The following MBNL1 variants were observed in gnomAD, a reference collection of about 807,000 sequenced individuals.
MBNL1 encodes muscleblind like splicing regulator 1.
MBNL1 carries 8 observed loss-of-function variants against 42.2 expected under a neutral mutation model. That is an observed-to-expected ratio of 0.19 (90% CI 0.11 to 0.34). MBNL1 has a LOEUF of 0.34. Among genes scored for constraint, MBNL1 ranks in the 10% least tolerant of loss-of-function variants. The pLI is 1.00. For synonymous variants in MBNL1, 169 were observed against 173.9 expected, an observed-to-expected ratio of 0.97 and a Z score of 0.22; for missense variants, 309 against 495.3, an observed-to-expected ratio of 0.62 and a Z score of 3.57.
intron 2 of MBNL1, among the ~76,000 whole-genome samples, chr3:152,342,575 C>CACAA (rs199903743): frequency 2.6e-5 from 4 of 151,678 alleles, no homozygotes; most frequent in African/African-American, 9.7e-5. Flanking sequence ...CACACACACA[C>CACAA]ACACACACAC....
At chr3:152,351,089 T>C (rs113337991) in intron 2 of MBNL1, among the ~76,000 whole-genome samples, 536 of 152,026 alleles carry the variant, frequency 3.5e-3, no homozygotes, top group Middle Eastern at 6.8e-3. Context: ...CTTTTTTTTT[T>C]CCTGTTTTTG....
chr3:152,410,033 G>T (rs2098528165), intron 2 of MBNL1, among the ~76,000 whole-genome samples: 1 of 151,776 alleles, frequency 6.6e-6, no homozygotes, highest in Non-Finnish European at 1.5e-5. Context: ...GTTTCATTTA[G>T]TTTTATTCTT....
At chr3:152,296,612 T>C (rs1345760660) in intron 1 of MBNL1, among the ~76,000 whole-genome samples, 2 of 151,902 alleles carry the variant, frequency 1.3e-5, no homozygotes, top group African/African-American at 2.4e-5. Context: ...CAGGGCTAGA[T>C]TGTGAGGCAG....
chr3:152,322,065 G>GT (rs35577420), intron 2 of MBNL1, among the ~76,000 whole-genome samples: 138,490 of 151,826 alleles, frequency 0.91, 63,500 homozygotes, highest in East Asian at 1. Context: ...TGAAAACAGA[G>GT]TTTTTTTAAC....
chr3:152,367,135 G>A (rs544276316), intron 2 of MBNL1, among the ~76,000 whole-genome samples: 5 of 152,132 alleles, frequency 3.3e-5, no homozygotes, highest in East Asian at 3.9e-4. Flanking sequence ...CCATCAACCC[G>A]TCATCTACAT....
At chr3:152,289,255 A>G (rs2054406188) in intron 1 of MBNL1, among the ~76,000 whole-genome samples, 1 of 152,128 alleles carries the variant, frequency 6.6e-6, no homozygotes, top group Admixed American at 6.5e-5. Flanking sequence ...AACAAAATGG[A>G]CATATAGTGG....
chr3:152,371,474 G>A (rs889852703), intron 2 of MBNL1, among the ~76,000 whole-genome samples: 3 of 152,172 alleles, frequency 2.0e-5, no homozygotes, highest in African/African-American at 7.2e-5. Context: ...GCACATGCCT[G>A]TAATCCCAAC....
At chr3:152,419,782 A>G (rs2098771300) in intron 3 of MBNL1, among the ~76,000 whole-genome samples, 1 of 152,096 alleles carries the variant, frequency 6.6e-6, no homozygotes, top group Non-Finnish European at 1.5e-5. Context: ...TCCCCTGGAA[A>G]GAGGGCTGAA....
At chr3:152,297,679 CAG>C (rs1368532120) in intron 1 of MBNL1, among the ~76,000 whole-genome samples, 5 of 151,104 alleles carry the variant, frequency 3.3e-5, no homozygotes, top group African/African-American at 7.3e-5. Context: ...TTTTTTTAGA[CAG>C]AGTCTTGCTC....
At chr3:152,307,256 T>TG (rs1209560409) in intron 2 of MBNL1, among the ~76,000 whole-genome samples, 2 of 152,240 alleles carry the variant, frequency 1.3e-5, no homozygotes, top group Non-Finnish European at 2.9e-5. Context: ...TCCAAAGTGC[T>TG]GGGATTACAG....
intron 2 of MBNL1, among the ~76,000 whole-genome samples, chr3:152,410,852 T>C (rs2098548918): frequency 6.6e-6 from 1 of 152,270 alleles, no homozygotes; most frequent in Non-Finnish European, 1.5e-5. Context: ...ATTACATTAT[T>C]GATGACTGAT....
At chr3:152,411,769 G>A (rs985826582) in intron 2 of MBNL1, among the ~76,000 whole-genome samples, 2 of 151,980 alleles carry the variant, frequency 1.3e-5, no homozygotes, top group Non-Finnish European at 2.9e-5. Flanking sequence ...ATCTCCTTTC[G>A]TACCTGGTGA....
intron 2 of MBNL1, among the ~76,000 whole-genome samples, chr3:152,311,286 C>T (rs1445530199): frequency 6.6e-6 from 1 of 152,068 alleles, no homozygotes; most frequent in African/African-American, 2.4e-5. Flanking sequence ...GGATTACAGG[C>T]GTGAGCCACT....
intron 5 of MBNL1, among the ~76,000 whole-genome samples, chr3:152,447,289 C>T (rs1017012698): frequency 1.2e-4 from 18 of 152,156 alleles, no homozygotes; most frequent in African/African-American, 3.9e-4. Flanking sequence ...GCTCGCAGTG[C>T]GGCTTTTCTT....
chr3:152,361,796 C>T (rs1399634748), intron 2 of MBNL1, among the ~76,000 whole-genome samples: 1 of 152,146 alleles, frequency 6.6e-6, no homozygotes, highest in East Asian at 1.9e-4. Flanking sequence ...TAGGAGCTAA[C>T]TCAAATATTA....
At chr3:152,285,683 C>T (rs1049749511) in intron 1 of MBNL1, among the ~76,000 whole-genome samples, 10 of 140,024 alleles carry the variant, frequency 7.1e-5, no homozygotes, top group Non-Finnish European at 1.2e-4. Flanking sequence ...GGCTGGAGTG[C>T]AGTGGCATGA....
chr3:152,455,441 C>T, intron 6 of MBNL1, 101 bp from the exon 7 acceptor site: 2 of 932,488 alleles, frequency 2.1e-6, no homozygotes, highest in African/African-American at 3.3e-5. Context: ...AACAATTTTT[C>T]TTCTTTGTTC....
intron 8 of MBNL1, chr3:152,458,180 C>T (rs944167851): frequency 6.2e-7 from 1 of 1,613,792 alleles, no homozygotes; most frequent in Non-Finnish European, 8.5e-7. Context: ...TGTCCTGCAG[C>T]AGCAGGAAAA....
At chr3:152,342,553 A>AAACAC (rs375205126) in intron 2 of MBNL1, among the ~76,000 whole-genome samples, 14 of 146,000 alleles carry the variant, frequency 9.6e-5, no homozygotes, top group Non-Finnish European at 1.3e-4. Context: ...AACTAAACAA[A>AAACAC]ACACACACAC....
Sources: gnomAD v4.1 joint callset for allele counts (sites outside exome capture counted in the v4.1 genomes callset) on GRCh38, gnomAD v4.1.1 for gene constraint, MANE v1.5 for transcripts, NCBI Gene and HGNC (gene_info 2026-07-23, HGNC 2026-07-21) for gene names.